CCDC91: variants seen among roughly 807,000 people sequenced by gnomAD.
The protein encoded by CCDC91 is coiled-coil domain containing 91, also known as coiled-coil domain-containing protein 91.
In CCDC91, 48 loss-of-function variants were observed where a neutral mutation model predicts 63.2. The observed-to-expected ratio is 0.76, with a 90% CI of 0.60 to 0.97. The LOEUF is 0.97. CCDC91 is among the 50% of genes least tolerant of loss of function. The pLI is 0.00. For missense variants in CCDC91, 500 were observed against 494.6 expected (o/e 1.01, Z -0.10); for synonymous variants, 167 against 165.8 (o/e 1.01, Z -0.06).
At chr12:28,201,918 C>T (rs1191778181) in intron 1 of CCDC91, among the ~76,000 whole-genome samples, 2 of 150,748 alleles carry the variant, frequency 1.3e-5, no homozygotes, top group Non-Finnish European at 3.0e-5. Flanking sequence ...ATAGCAGGCA[C>T]TGGGCAGGCT....
chr12:28,196,154 T>TTC (rs74660165), intron 1 of CCDC91, among the ~76,000 whole-genome samples: 39,648 of 152,068 alleles, frequency 0.26, 5,433 homozygotes, highest in Non-Finnish European at 0.31. Context: ...GGTCTTTGAT[T>TTC]TCTCTCTGTT....
At chr12:28,211,314 C>T (rs368246487) in intron 1 of CCDC91, among the ~76,000 whole-genome samples, 10 of 151,846 alleles carry the variant, frequency 6.6e-5, no homozygotes, top group Non-Finnish European at 8.8e-5. Context: ...CCTGGCTCAC[C>T]GCACCATAAC....
chr12:28,371,490 A>G (rs1427561219), intron 7 of CCDC91, among the ~76,000 whole-genome samples: 3 of 152,220 alleles, frequency 2.0e-5, no homozygotes, highest in Non-Finnish European at 2.9e-5. Context: ...ACTGCTGTAT[A>G]TATTTTCCCA....
intron 3 of CCDC91, among the ~76,000 whole-genome samples, chr12:28,304,874 C>T (rs571986939): frequency 2.6e-5 from 4 of 152,086 alleles, no homozygotes; most frequent in East Asian, 1.9e-4. Flanking sequence ...TGCTTATATC[C>T]GTACTTTTGT....
intron 12 of CCDC91, among the ~76,000 whole-genome samples, chr12:28,503,869 G>C (rs1226338585): frequency 2.0e-5 from 3 of 151,992 alleles, no homozygotes; most frequent in Non-Finnish European, 2.9e-5. Context: ...CTCACTCATA[G>C]GTAGGAATTG....
chr12:28,363,484 A>G (rs748811027), intron 7 of CCDC91, among the ~76,000 whole-genome samples: 6 of 152,214 alleles, frequency 3.9e-5, no homozygotes, highest in African/African-American at 7.2e-5. Context: ...AAAAATCCCT[A>G]TTACAGTTAG....
At chr12:28,423,062 C>G (rs1378506777) in intron 8 of CCDC91, among the ~76,000 whole-genome samples, 2 of 151,906 alleles carry the variant, frequency 1.3e-5, no homozygotes, top group Admixed American at 6.6e-5. Flanking sequence ...AACAGAAACT[C>G]TAGAGTAGTG....
At chr12:28,388,418 G>T (rs1347654775) in intron 7 of CCDC91, among the ~76,000 whole-genome samples, 1 of 152,122 alleles carries the variant, frequency 6.6e-6, no homozygotes, top group Non-Finnish European at 1.5e-5. Context: ...AGAGTTTCAG[G>T]ATTCAAAGTT....
chr12:28,478,258 A>G (rs1951229964), intron 11 of CCDC91, among the ~76,000 whole-genome samples: 1 of 152,292 alleles, frequency 6.6e-6, no homozygotes, highest in African/African-American at 2.4e-5. Flanking sequence ...TGTTACCAAA[A>G]CAGAGATATA....
chr12:28,227,698 A>G (rs1276116621), intron 1 of CCDC91, among the ~76,000 whole-genome samples: 1 of 151,658 alleles, frequency 6.6e-6, no homozygotes, highest in African/African-American at 2.4e-5. Context: ...CTTACTTTGG[A>G]TTATTAGTTT....
At chr12:28,309,913 CT>C (rs1939143350) in intron 6 of CCDC91, among the ~76,000 whole-genome samples, 1 of 151,928 alleles carries the variant, frequency 6.6e-6, no homozygotes, top group Admixed American at 6.6e-5. Context: ...TTCCATACCG[CT>C]TATTCCTACC....
chr12:28,203,124 A>G (rs1478595392), intron 1 of CCDC91, among the ~76,000 whole-genome samples: 2 of 152,066 alleles, frequency 1.3e-5, no homozygotes, highest in Non-Finnish European at 2.9e-5. Flanking sequence ...GTGATTTTTG[A>G]GCCTTCTAGT....
rs370141947 is a variant in CCDC91 at position 28,385,498 on chromosome 12, G to T, written c.655-5806G>T. ...AAATTCTAGTTGAGAGATTATATTT[G>T]TTATACGTTTTGCTTCCTGCTTGCA... On this transcript the variant is annotated intron_variant, in intron 7 of 12. Transcript: ENST00000536442. Among the ~76,000 whole-genome samples the T allele has an allele frequency of 4.0e-4, 61 of 152,148 alleles. 1 individual carries two copies. In the East Asian group the frequency reaches 9.6e-3, roughly 24 times the overall value.
chr12:28,512,029 G>A (rs1404800665), intron 12 of CCDC91, among the ~76,000 whole-genome samples: 1 of 151,622 alleles, frequency 6.6e-6, no homozygotes, highest in Non-Finnish European at 1.5e-5. Flanking sequence ...ATGGATTTTG[G>A]GACTTACCAT....
intron 8 of CCDC91, among the ~76,000 whole-genome samples, chr12:28,444,604 C>T (rs1949403317): frequency 6.6e-6 from 1 of 152,142 alleles, no homozygotes; most frequent in Non-Finnish European, 1.5e-5. Context: ...AACACATTCT[C>T]ACTTACAAGT....
intron 12 of CCDC91, among the ~76,000 whole-genome samples, chr12:28,493,474 A>G (rs1565472202): frequency 6.6e-6 from 1 of 151,720 alleles, no homozygotes; most frequent in African/African-American, 2.4e-5. Flanking sequence ...TCACATGTGT[A>G]TATATGTACA....
At chr12:28,275,672 A>G (rs1308709153) in intron 3 of CCDC91, among the ~76,000 whole-genome samples, 2 of 152,140 alleles carry the variant, frequency 1.3e-5, no homozygotes, top group Non-Finnish European at 2.9e-5. Flanking sequence ...CAACAAAAAA[A>G]GAGAATTTTA....
intron 1 of CCDC91, among the ~76,000 whole-genome samples, chr12:28,224,944 A>C (rs1944178125): frequency 6.6e-6 from 1 of 152,164 alleles, no homozygotes; most frequent in Non-Finnish European, 1.5e-5. Flanking sequence ...GACTTGAGAG[A>C]TCATCTCTCC....
At chr12:28,307,276 G>T (rs1455815344) in intron 5 of CCDC91, among the ~76,000 whole-genome samples, 1 of 151,962 alleles carries the variant, frequency 6.6e-6, no homozygotes, top group Admixed American at 6.6e-5. Flanking sequence ...CCTATGGGAA[G>T]TTAGGCATCA....
Sources: allele counts gnomAD v4.1 joint callset (sites outside exome capture counted in the v4.1 genomes callset), GRCh38; gene constraint gnomAD v4.1.1; transcripts MANE v1.5; gene names NCBI Gene and HGNC (gene_info 2026-07-23, HGNC 2026-07-21).